The following PXDNL variants were observed in gnomAD, a reference collection of about 807,000 sequenced individuals.
PXDNL encodes the protein probable oxidoreductase PXDNL.
Under a neutral mutation model 150.8 loss-of-function variants are expected in PXDNL, and 145 were observed. That is an observed-to-expected ratio of 0.96 (90% CI 0.84 to 1.10). PXDNL has a LOEUF of 1.10. PXDNL is among the 50% of genes least tolerant of loss of function. The probability of loss-of-function intolerance (pLI) is 0.00; values close to 1 mark genes in which losing one functional copy is unlikely to be tolerated. For missense variants in PXDNL, 2,087 were observed against 1,873.9 expected (o/e 1.11, Z -2.10); for synonymous variants, 757 against 725.7 (o/e 1.04, Z -0.69).
At chr8:51,543,886 A>G (rs886410697) in intron 4 of PXDNL, among the ~76,000 whole-genome samples, 5 of 152,196 alleles carry the variant, frequency 3.3e-5, no homozygotes, top group African/African-American at 9.6e-5. Flanking sequence ...GGCAAGGATA[A>G]TCAATAAAAA....
At chr8:51,598,843 T>A (rs1813630522) in intron 2 of PXDNL, among the ~76,000 whole-genome samples, 1 of 152,194 alleles carries the variant, frequency 6.6e-6, no homozygotes, top group East Asian at 1.9e-4. Flanking sequence ...TCTGGTAGCA[T>A]TCGGCTGTGA....
intron 17 of PXDNL, among the ~76,000 whole-genome samples, chr8:51,403,723 A>G (rs141098384): frequency 6.6e-6 from 1 of 152,318 alleles, no homozygotes; most frequent in Non-Finnish European, 1.5e-5. Context: ...TATGATCTAA[A>G]TGTGTCTACC....
At chr8:51,774,038 AT>A (rs1370327688) in intron 1 of PXDNL, among the ~76,000 whole-genome samples, 1 of 152,236 alleles carries the variant, frequency 6.6e-6, no homozygotes, top group Non-Finnish European at 1.5e-5. Flanking sequence ...TTAAATACTA[AT>A]TGTAAGTGTA....
intron 5 of PXDNL, among the ~76,000 whole-genome samples, chr8:51,489,189 A>G (rs907130073): frequency 6.6e-6 from 1 of 152,254 alleles, no homozygotes; most frequent in Non-Finnish European, 1.5e-5. Context: ...AATAAAGGGA[A>G]ACATAGTCAA....
At chr8:51,639,417 G>A (rs1478557575) in intron 2 of PXDNL, among the ~76,000 whole-genome samples, 2 of 152,074 alleles carry the variant, frequency 1.3e-5, no homozygotes, top group Non-Finnish European at 1.5e-5. Flanking sequence ...TCCAGGAGCT[G>A]GTTTTTTGAA....
At chr8:51,454,555 C>T (rs1319819951) in intron 9 of PXDNL, among the ~76,000 whole-genome samples, 1 of 152,124 alleles carries the variant, frequency 6.6e-6, no homozygotes, top group Non-Finnish European at 1.5e-5. Flanking sequence ...CTTACAAATT[C>T]ATAGGAGTTT....
chr8:51,623,680 G>A (rs1349095144), intron 2 of PXDNL, among the ~76,000 whole-genome samples: 2 of 152,206 alleles, frequency 1.3e-5, no homozygotes, highest in Non-Finnish European at 2.9e-5. Context: ...CGAGTGTGCA[G>A]AGCGCAGCCC....
At chr8:51,405,862 A>G (rs1203584877) in intron 17 of PXDNL, among the ~76,000 whole-genome samples, 1 of 152,234 alleles carries the variant, frequency 6.6e-6, no homozygotes, top group African/African-American at 2.4e-5. Context: ...ACCAGGCTGC[A>G]TAGAGTTCCA....
chr8:51,355,478 A>G (rs1806479403), intron 19 of PXDNL, among the ~76,000 whole-genome samples: 1 of 152,194 alleles, frequency 6.6e-6, no homozygotes, highest in African/African-American at 2.4e-5. Flanking sequence ...TCTTTGTGCA[A>G]TTGTTTTATT....
chr8:51,793,575 A>T (rs565923270), intron 1 of PXDNL, among the ~76,000 whole-genome samples: 3 of 152,166 alleles, frequency 2.0e-5, no homozygotes, highest in Non-Finnish European at 4.4e-5. Flanking sequence ...CCCAATGTAG[A>T]GCAGCTAAGA....
intron 2 of PXDNL, among the ~76,000 whole-genome samples, chr8:51,614,365 G>A (rs552621303): frequency 2.6e-5 from 4 of 152,236 alleles, no homozygotes; most frequent in South Asian, 4.1e-4. Flanking sequence ...CTTGTAACAC[G>A]CAGCTGAGTC....
intron 4 of PXDNL, among the ~76,000 whole-genome samples, chr8:51,551,765 G>T (rs1812491329): frequency 6.6e-6 from 1 of 152,118 alleles, no homozygotes; most frequent in African/African-American, 2.4e-5. Context: ...ATTGGCCTAG[G>T]CAAAGACTTC....
intron 19 of PXDNL, 35 bp from the exon 20 acceptor site, chr8:51,345,982 T>G: frequency 8.1e-7 from 1 of 1,228,864 alleles, no homozygotes; most frequent in Non-Finnish European, 1.2e-6. Context: ...TAGCATCATG[T>G]GAGATGCGAT....
chr8:51,344,544 C>T (rs1312103648), intron 20 of PXDNL, among the ~76,000 whole-genome samples: 1 of 152,162 alleles, frequency 6.6e-6, no homozygotes, highest in Admixed American at 6.5e-5. Flanking sequence ...GGTCAAAGGG[C>T]CCCAATAAGA....
At chr8:51,753,032 A>G (rs2130979955) in intron 1 of PXDNL, among the ~76,000 whole-genome samples, 1 of 152,362 alleles carries the variant, frequency 6.6e-6, no homozygotes, top group East Asian at 1.9e-4. Flanking sequence ...AGCCGGTGCC[A>G]TTCGTCCTGC....
intron 1 of PXDNL, among the ~76,000 whole-genome samples, chr8:51,683,481 C>T (rs1251279591): frequency 6.6e-6 from 1 of 151,522 alleles, no homozygotes; most frequent in Non-Finnish European, 1.5e-5. Flanking sequence ...AATCCTTTAC[C>T]TAATATTGGG....
chr8:51,425,624 G>C (rs186260781), intron 13 of PXDNL, among the ~76,000 whole-genome samples: 1 of 151,890 alleles, frequency 6.6e-6, no homozygotes, highest in South Asian at 2.1e-4. Context: ...ATGAGGTCAG[G>C]GGATCGAGAC....
At chr8:51,759,277 G>A (rs540948378) in intron 1 of PXDNL, among the ~76,000 whole-genome samples, 9 of 152,098 alleles carry the variant, frequency 5.9e-5, no homozygotes, top group African/African-American at 2.2e-4. Context: ...TCACATCTCT[G>A]CTTGGCTGCC....
At chr8:51,727,449 C>T (rs894609395) in intron 1 of PXDNL, among the ~76,000 whole-genome samples, 2 of 152,270 alleles carry the variant, frequency 1.3e-5, no homozygotes, top group East Asian at 1.9e-4. Context: ...CATTTCTCTT[C>T]ATGGCAATGC....
Sources: gnomAD v4.1 joint callset for allele counts (sites outside exome capture counted in the v4.1 genomes callset) on GRCh38, gnomAD v4.1.1 for gene constraint, MANE v1.5 for transcripts, NCBI Gene and HGNC (gene_info 2026-07-23, HGNC 2026-07-21) for gene names.